MANSC4: variants seen among roughly 807,000 people sequenced by gnomAD.
MANSC4 encodes MANSC domain containing 4.
Under a neutral mutation model 11.4 loss-of-function variants are expected in MANSC4, and 11 were observed. The observed-to-expected ratio is 0.97, with a 90% CI of 0.61 to 1.60. The LOEUF is 1.60. MANSC4 is among the 40% of genes most tolerant of loss of function. MANSC4 has a pLI of 0.00. For missense variants in MANSC4, 354 were observed against 404.6 expected (o/e 0.88, Z 1.07); for synonymous variants, 123 against 147.1 (o/e 0.84, Z 1.19).
chr12:27,779,172 G>T (rs2062132401), intron 1 of MANSC4, among the ~76,000 whole-genome samples: 1 of 152,022 alleles, frequency 6.6e-6, no homozygotes, highest in Non-Finnish European at 1.5e-5. Context: ...CAGCCAAACC[G>T]CACGTGTGGT....
intron 1 of MANSC4, among the ~76,000 whole-genome samples, chr12:27,777,424 C>T (rs905813758): frequency 2.0e-5 from 3 of 152,122 alleles, no homozygotes; most frequent in Admixed American, 6.5e-5. Context: ...ATACAGGGGA[C>T]GCATCCCAGC....
chr12:27,762,749 TCTC>T lies in MANSC4; in HGVS notation c.1009_1011del (p.Glu337del), dbSNP rs1160941236. On this transcript the variant is annotated inframe_deletion, in exon 4 of 4. Coordinates refer to ENST00000381273, the MANE Select transcript of MANSC4 (RefSeq NM_001146221.5). ...TGCTACAGTTTTTACTATGAAGAGT[TCTC>T]CTTCATATGGTTACGGTTTTTAATT... 6.5e-7 allele frequency: 1 copy of T among 1,530,228 alleles called. No individual in the cohort carries two copies. Among genetic ancestry groups the T allele is most frequent in the African/African-American group, 1.4e-5 (1 of 71,964 alleles). The allele number at this position is 1,530,228 out of a possible 1,614,324, so 94.8% of individuals were successfully genotyped here. A position where few individuals can be genotyped will look rare whatever the true frequency, so the allele number is the denominator to read the frequency against.
rs2062058372 is a variant in MANSC4 at position 27,763,615 on chromosome 12, T to C, written c.365-219A>G. ...AACACTTTTTTTTTTAATGAACAAA[T>C]TTGACTACACCCAAGGAGAAGGCTT... On this transcript the variant is annotated intron_variant, in intron 3 of 3. Coordinates refer to ENST00000381273, the MANE Select transcript of MANSC4 (RefSeq NM_001146221.5). Among the ~76,000 whole-genome samples the C allele has an allele frequency of 2.6e-5, 4 of 152,132 alleles. No individual in the cohort carries two copies. The South Asian group carries it at 8.3e-4, about 32-fold the overall frequency.
chr12:27,764,122 C>T lies in MANSC4; in HGVS notation c.365-726G>A, dbSNP rs76277449. ...ATGAGCAAAGCCTTACGCCTCATCC[C>T]TTTTCGACCTCTGAGGGTCTTGCTT... On this transcript the variant is annotated intron_variant, in intron 3 of 3. Transcript: ENST00000381273. 3.6e-3 allele frequency among the ~76,000 whole-genome samples: 547 copies of T among 152,274 alleles called. 8 individuals are homozygous for T. The highest frequency in any genetic ancestry group is 0.012 in the African/African-American group (511 of 41,552).
intron 1 of MANSC4, among the ~76,000 whole-genome samples, chr12:27,778,225 C>CAAA (rs34172632): frequency 3.0e-5 from 4 of 134,948 alleles, no homozygotes; most frequent in Admixed American, 7.2e-5. Flanking sequence ...AACTCTGTCT[C>CAAA]AAAAAAAAAA....
chr12:27,780,216 G>T lies in MANSC4; in HGVS notation c.-313C>A, dbSNP rs1023363163. On this transcript the variant is annotated 5_prime_UTR_variant, in exon 1 of 4. Transcript: ENST00000381273. The surrounding 1 kb of genome is among the most constrained non-coding windows in gnomAD (Gnocchi z 8.8). ...GAGCGCGGGCGGCCCTCACCTCGCC[G>T]CTCCTCCCGGGCCGCCATCCCTCGG... 10 of 1,015,988 alleles carry T rather than the reference G, an allele frequency of 9.8e-6. No homozygotes were observed. In the African/African-American group the frequency reaches 1.7e-4, roughly 17 times the overall value. The allele number at this position is 1,015,988 out of a possible 1,614,324, so 62.9% of individuals were successfully genotyped here.
rs2062054671 is a variant in MANSC4 at position 27,763,039 on chromosome 12, G to T, written c.722C>A (p.Thr241Lys). 8 of 1,551,686 alleles carry T rather than the reference G, an allele frequency of 5.2e-6. No individual in the cohort carries two copies. The highest frequency in any genetic ancestry group is 7.0e-6 in the Non-Finnish European group (8 of 1,147,012). ...TGGAACAGGCATATGAGAAAGTTTT[G>T]TGTCTATGGGTTCAAAGAAAGGAGA... ...TISPFFEPID[T>K]KLSHMPVPPG... Residue 241 changes from threonine (T) to lysine (K), a missense_variant, in exon 4 of 4, where the codon ACA becomes AAA. Coordinates refer to ENST00000381273, the MANE Select transcript of MANSC4 (RefSeq NM_001146221.5).
At chr12:27,768,771 C>T (rs1265480251) in intron 2 of MANSC4, among the ~76,000 whole-genome samples, 1 of 151,706 alleles carries the variant, frequency 6.6e-6, no homozygotes, top group Non-Finnish European at 1.5e-5. Context: ...GCTGGGATTA[C>T]AGGTGTGCAC....
At chr12:27,770,636 C>T (rs939474327) in intron 2 of MANSC4, among the ~76,000 whole-genome samples, 4 of 151,988 alleles carry the variant, frequency 2.6e-5, no homozygotes, top group Middle Eastern at 3.4e-3. Context: ...TCCAGGAGTT[C>T]GAGACCAGCC....
chr12:27,777,953 T>C (rs1317297165), intron 1 of MANSC4, among the ~76,000 whole-genome samples: 1 of 151,788 alleles, frequency 6.6e-6, no homozygotes, highest in South Asian at 2.1e-4. Flanking sequence ...TTGCTGGGCA[T>C]GGAGGCTCAT....
chr12:27,779,030 G>T (rs529765231), intron 1 of MANSC4, among the ~76,000 whole-genome samples: 1 of 152,140 alleles, frequency 6.6e-6, no homozygotes, highest in Non-Finnish European at 1.5e-5. Flanking sequence ...CACCACGCCC[G>T]GCTAATTTTT....
At chr12:27,766,892 C>T in intron 2 of MANSC4, 93 bp from the exon 3 acceptor site, 1 of 1,351,418 alleles carries the variant, frequency 7.4e-7, no homozygotes, top group Non-Finnish European at 1.0e-6. Flanking sequence ...TTCAGGAATA[C>T]TGGATTAACA....
chr12:27,767,311 G>C (rs2062076482), intron 2 of MANSC4, among the ~76,000 whole-genome samples: 1 of 152,172 alleles, frequency 6.6e-6, no homozygotes, highest in African/African-American at 2.4e-5. Flanking sequence ...TTTTCTCAAA[G>C]TAATCTTTCA....
Position 27,766,624 on chromosome 12 carries a change from C to T in MANSC4, c.364+41G>A, listed in dbSNP as rs574017430. 2.5e-5 allele frequency: 38 copies of T among 1,539,570 alleles called. No homozygotes were observed. The South Asian group carries it at 3.3e-4, about 13-fold the overall frequency. On this transcript the variant is annotated intron_variant, in intron 3 of 3. Coordinates refer to ENST00000381273, the MANE Select transcript of MANSC4 (RefSeq NM_001146221.5). ...CAGCTATATGCCTCTACTAGAATAT[C>T]GCCAGCATTCTTTTAAAGTCTTGAA...
chr12:27,766,588 A>G lies in MANSC4; in HGVS notation c.364+77T>C, dbSNP rs1011344610. On this transcript the variant is annotated intron_variant, in intron 3 of 3. Transcript: ENST00000381273. ...TAGGGACTCACATATGGCTATTGCC[A>G]GCCAGTTTCTCAGCTATATGCCTCT... The G allele has an allele frequency of 4.1e-6, 6 of 1,450,918 alleles. No homozygotes were observed. In the African/African-American group the frequency reaches 8.6e-5, roughly 21 times the overall value. The allele number at this position is 1,450,918 out of a possible 1,614,324, so 89.9% of individuals were successfully genotyped here. A position where few individuals can be genotyped will look rare whatever the true frequency, so the allele number is the denominator to read the frequency against.
intron 1 of MANSC4, among the ~76,000 whole-genome samples, chr12:27,776,451 T>C (rs2062120158): frequency 6.6e-6 from 1 of 152,082 alleles, no homozygotes; most frequent in African/African-American, 2.4e-5. Flanking sequence ...CTACTTCAGC[T>C]GGGTGTGGTG....
rs34487465 is a variant in MANSC4, at chr12:27,777,921, GA to G, written c.-307+2288del. Among the ~76,000 whole-genome samples, 430 of 148,116 alleles carry G rather than the reference GA, an allele frequency of 2.9e-3. 3 individuals carry two copies. The highest frequency in any genetic ancestry group is 0.01 in the African/African-American group (410 of 40,388). On this transcript the variant is annotated intron_variant, in intron 1 of 3. Transcript: ENST00000381273. Reference sequence around the variant, plus strand: ...AAGGTAGCAAGACCCTATCTCTATGGAAAAAAAAAATGCATTTTTTTTTGCT... The same window carrying G: ...AAGGTAGCAAGACCCTATCTCTATGGAAAAAAAAATGCATTTTTTTTTGCT...
intron 1 of MANSC4, among the ~76,000 whole-genome samples, chr12:27,778,674 G>C (rs2062129261): frequency 6.6e-6 from 1 of 151,840 alleles, no homozygotes; most frequent in Non-Finnish European, 1.5e-5. Flanking sequence ...TTTTTGTTTT[G>C]TAAGATAAGA....
intron 3 of MANSC4, among the ~76,000 whole-genome samples, chr12:27,765,807 T>C (rs2062070003): frequency 6.6e-6 from 1 of 152,184 alleles, no homozygotes; most frequent in East Asian, 1.9e-4. Context: ...CTCCTTTGCA[T>C]TTTGATGGCA....
Sources: allele counts gnomAD v4.1 joint callset (sites outside exome capture counted in the v4.1 genomes callset), GRCh38; gene constraint gnomAD v4.1.1; non-coding constraint Gnocchi (gnomAD v3.1); transcripts MANE v1.5; gene names NCBI Gene and HGNC (gene_info 2026-07-23, HGNC 2026-07-21).